The following RAD51B variants were observed in gnomAD, a reference collection of about 807,000 sequenced individuals.
The protein encoded by RAD51B is RAD51 paralog B.
A neutral mutation model predicts 42.2 loss-of-function variants in RAD51B; 38 were observed. That is an observed-to-expected ratio of 0.90 (90% CI 0.70 to 1.18). The LOEUF (loss-of-function observed/expected upper bound fraction) is 1.18, where lower values mean the gene tolerates loss of function less well. RAD51B is among the 50% of genes most tolerant of loss of function. The pLI, the probability that RAD51B is intolerant of heterozygous loss-of-function variation, is 0.00. For missense variants in RAD51B, 373 were observed against 400.7 expected (o/e 0.93, Z 0.59); for synonymous variants, 154 against 145.2 (o/e 1.06, Z -0.43).
At chr14:68,386,477 C>A (rs1007593945) in intron 8 of RAD51B, among the ~76,000 whole-genome samples, 1 of 152,260 alleles carries the variant, frequency 6.6e-6, no homozygotes, top group South Asian at 2.1e-4. Flanking sequence ...ATATCTTACA[C>A]CTCTCTGGAT....
At chr14:68,335,586 T>TGG (rs773690258) in intron 8 of RAD51B, among the ~76,000 whole-genome samples, 58 of 152,270 alleles carry the variant, frequency 3.8e-4, no homozygotes, top group Non-Finnish European at 6.9e-4. Context: ...TCTGACAATG[T>TGG]GGGGAGTGGT....
chr14:68,388,054 T>TTG (rs140319319), intron 8 of RAD51B, among the ~76,000 whole-genome samples: 62 of 120,408 alleles, frequency 5.1e-4, no homozygotes, highest in Middle Eastern at 4.2e-3. Context: ...GTGACTTGCA[T>TTG]TGTGTGTGTG....
intron 7 of RAD51B, among the ~76,000 whole-genome samples, chr14:67,923,350 A>T (rs1217213964): frequency 1.4e-5 from 2 of 141,890 alleles, no homozygotes; most frequent in African/African-American, 5.5e-5. Flanking sequence ...CCCAGGCTGG[A>T]ATGCAATGGT....
At chr14:68,369,193 G>A (rs1466205116) in intron 8 of RAD51B, among the ~76,000 whole-genome samples, 1 of 152,176 alleles carries the variant, frequency 6.6e-6, no homozygotes, top group Non-Finnish European at 1.5e-5. Flanking sequence ...GGTTGTTTAT[G>A]TATTTGATGT....
chr14:67,933,672 TCTC>T (rs1473637524), intron 7 of RAD51B, among the ~76,000 whole-genome samples: 2 of 152,198 alleles, frequency 1.3e-5, no homozygotes, highest in African/African-American at 2.4e-5. Flanking sequence ...CTTGCTTCCT[TCTC>T]CTTCTTTGCC....
chr14:67,995,231 TA>T (rs1366044719), intron 7 of RAD51B, among the ~76,000 whole-genome samples: 1 of 151,750 alleles, frequency 6.6e-6, no homozygotes, highest in Non-Finnish European at 1.5e-5. Context: ...ATTAAAAATA[TA>T]AAAATTAGCT....
intron 10 of RAD51B, among the ~76,000 whole-genome samples, chr14:68,578,682 A>T (rs1222350441): frequency 6.6e-6 from 1 of 152,234 alleles, no homozygotes; most frequent in Non-Finnish European, 1.5e-5. Flanking sequence ...AGTTGGAAGG[A>T]ATAGATCACA....
At chr14:68,670,200 A>G (rs1207511520) in intron 11 of RAD51B, among the ~76,000 whole-genome samples, 1 of 152,054 alleles carries the variant, frequency 6.6e-6, no homozygotes, top group Non-Finnish European at 1.5e-5. Flanking sequence ...TGGGATTGGA[A>G]CCGTCCGTGG....
chr14:68,496,639 C>T (rs534379303), intron 10 of RAD51B, among the ~76,000 whole-genome samples: 2 of 152,254 alleles, frequency 1.3e-5, no homozygotes, highest in African/African-American at 2.4e-5. Context: ...GGGGTCTTCT[C>T]CATCCAGTGG....
chr14:67,857,700 G>T lies in RAD51B; in HGVS notation c.316-7303G>T, dbSNP rs8007534. ...AAGGCTAGTCCTTTTTCCTCTGCTA[G>T]TTAGCACTCTAATGATATTAATGAT... On this transcript the variant is annotated intron_variant, in intron 4 of 10. Coordinates refer to ENST00000471583, the MANE Select transcript of RAD51B (RefSeq NM_133510.4). Among the ~76,000 whole-genome samples, 1,048 of 152,296 alleles carry T rather than the reference G, an allele frequency of 6.9e-3. 11 individuals carry two copies. The highest frequency in any genetic ancestry group is 0.022 in the African/African-American group (925 of 41,554).
chr14:68,235,293 A>G (rs1344654035), intron 7 of RAD51B, among the ~76,000 whole-genome samples: 2 of 151,888 alleles, frequency 1.3e-5, no homozygotes, highest in African/African-American at 4.8e-5. Flanking sequence ...GCTCCATTAT[A>G]TTGTTGACCA....
At position 68,228,097 on chromosome 14, in the gene RAD51B, A is replaced by G. The variant is rs187235314; in HGVS notation, c.757-63787A>G. ...AATTGAGACTAAGGAAGGTAAATAA[A>G]TTGTCCAAGATTACAAGCTAGTAAG... On this transcript the variant is annotated intron_variant, in intron 7 of 10. Coordinates refer to ENST00000471583, the MANE Select transcript of RAD51B (RefSeq NM_133510.4). Among the ~76,000 whole-genome samples, 146 of 152,224 alleles carry G rather than the reference A, an allele frequency of 9.6e-4. 1 individual carries two copies. Among genetic ancestry groups the G allele is most frequent in the Admixed American group, 5.2e-3 (79 of 15,290 alleles).
At chr14:68,315,705 G>T (rs998001733) in intron 8 of RAD51B, among the ~76,000 whole-genome samples, 2 of 152,042 alleles carry the variant, frequency 1.3e-5, no homozygotes, top group African/African-American at 4.8e-5. Flanking sequence ...TGTATTTTTA[G>T]TAGAGACAGG....
intron 8 of RAD51B, among the ~76,000 whole-genome samples, chr14:68,333,398 T>C (rs1026991361): frequency 6.6e-6 from 1 of 152,152 alleles, no homozygotes; most frequent in African/African-American, 2.4e-5. Context: ...AAACCCTAAA[T>C]GTTGGTGAGC....
intron 10 of RAD51B, chr14:68,497,945 C>T (rs1046494747): frequency 5.4e-6 from 1 of 185,746 alleles, no homozygotes; most frequent in Non-Finnish European, 1.1e-5. Flanking sequence ...CACCCTTCAA[C>T]TATTGTGAAT....
intron 10 of RAD51B, among the ~76,000 whole-genome samples, chr14:68,573,764 A>G (rs2140044855): frequency 6.6e-6 from 1 of 152,274 alleles, no homozygotes; most frequent in East Asian, 1.9e-4. Context: ...GAGGCTCCAG[A>G]CCACCATCCA....
chr14:68,558,040 T>C (rs1383892842), intron 10 of RAD51B, among the ~76,000 whole-genome samples: 1 of 152,196 alleles, frequency 6.6e-6, no homozygotes, highest in Non-Finnish European at 1.5e-5. Context: ...ATATTGACCA[T>C]AAATTTACGC....
At chr14:68,237,126 G>C (rs984440205) in intron 7 of RAD51B, among the ~76,000 whole-genome samples, 1 of 152,116 alleles carries the variant, frequency 6.6e-6, no homozygotes, top group African/African-American at 2.4e-5. Context: ...AGAATTATTG[G>C]AAAAAAATTT....
At chr14:68,326,038 C>CTT (rs763428544) in intron 8 of RAD51B, among the ~76,000 whole-genome samples, 11 of 80,464 alleles carry the variant, frequency 1.4e-4, no homozygotes, top group Non-Finnish European at 2.3e-4. Flanking sequence ...TTTTTCTTTT[C>CTT]TTTTTTTTTT....
Sources: allele counts gnomAD v4.1 joint callset (sites outside exome capture counted in the v4.1 genomes callset), GRCh38; gene constraint gnomAD v4.1.1; transcripts MANE v1.5; gene names NCBI Gene and HGNC (gene_info 2026-07-23, HGNC 2026-07-21).